Variants in SMOC2 observed in about 807,000 individuals in gnomAD.
The protein encoded by SMOC2 is SPARC related modular calcium binding 2, also known as SPARC-related modular calcium-binding protein 2.
In SMOC2, 39 loss-of-function variants were observed where a neutral mutation model predicts 61.4. That is an observed-to-expected ratio of 0.64 (90% CI 0.49 to 0.83). SMOC2 has a LOEUF of 0.83. SMOC2 is among the 40% of genes least tolerant of loss of function. The pLI, the probability that SMOC2 is intolerant of heterozygous loss-of-function variation, is 0.00. For missense variants in SMOC2, 556 were observed against 592.9 expected (o/e 0.94, Z 0.65); for synonymous variants, 247 against 239.9 (o/e 1.03, Z -0.27).
chr6:168,558,991 TTACTG>T (rs1392930528), intron 7 of SMOC2, among the ~76,000 whole-genome samples: 5 of 152,232 alleles, frequency 3.3e-5, no homozygotes, highest in Non-Finnish European at 5.9e-5. Flanking sequence ...ACATGCATGT[TTACTG>T]TAATAGTAAC....
intron 1 of SMOC2, among the ~76,000 whole-genome samples, chr6:168,462,605 G>C (rs748669162): frequency 1.2e-4 from 19 of 152,184 alleles, no homozygotes; most frequent in Non-Finnish European, 2.6e-4. Flanking sequence ...GTGCTCTCCA[G>C]TGGTGGCTTA....
intron 2 of SMOC2, among the ~76,000 whole-genome samples, chr6:168,517,190 G>A (rs2144745): frequency 0.19 from 28,550 of 152,022 alleles, 2,865 homozygotes; most frequent in Admixed American, 0.24. Context: ...TCAGCTGTGA[G>A]GCCTCGCTCT....
chr6:168,631,195 T>C (rs1010735098), intron 9 of SMOC2, among the ~76,000 whole-genome samples: 1 of 152,188 alleles, frequency 6.6e-6, no homozygotes, highest in Admixed American at 6.5e-5. Flanking sequence ...TGCCCAGCTT[T>C]AAAATTTCTC....
chr6:168,444,609 C>T (rs930545371), intron 1 of SMOC2, among the ~76,000 whole-genome samples: 1 of 152,150 alleles, frequency 6.6e-6, no homozygotes, highest in Non-Finnish European at 1.5e-5. Flanking sequence ...CCAATGCGCT[C>T]TTAATTTGGA....
intron 1 of SMOC2, among the ~76,000 whole-genome samples, chr6:168,480,535 A>G (rs567861295): frequency 6.6e-6 from 1 of 152,300 alleles, no homozygotes; most frequent in East Asian, 1.9e-4. Flanking sequence ...AAGGATCAGC[A>G]AACTTAAAGA....
chr6:168,459,408 G>T (rs1781664724), intron 1 of SMOC2, among the ~76,000 whole-genome samples: 3 of 152,164 alleles, frequency 2.0e-5, no homozygotes, highest in Non-Finnish European at 4.4e-5. Flanking sequence ...CATCGGGAAG[G>T]GTATTCTCCG....
At chr6:168,610,942 C>A (rs374622601) in intron 9 of SMOC2, among the ~76,000 whole-genome samples, 1 of 151,764 alleles carries the variant, frequency 6.6e-6, no homozygotes, top group South Asian at 2.1e-4. Context: ...TTAAACCACA[C>A]CTTCCTAAAC....
intron 9 of SMOC2, among the ~76,000 whole-genome samples, chr6:168,638,060 C>A (rs888393780): frequency 6.7e-6 from 1 of 149,974 alleles, no homozygotes; most frequent in Admixed American, 6.6e-5. Context: ...CCCTGCCCTG[C>A]CCCTGCCCCA....
chr6:168,485,231 G>C (rs1456554298), intron 1 of SMOC2, among the ~76,000 whole-genome samples: 1 of 152,108 alleles, frequency 6.6e-6, no homozygotes, highest in African/African-American at 2.4e-5. Flanking sequence ...ATATAGTTTG[G>C]AGAGAAATGT....
At chr6:168,449,646 C>T (rs1001446086) in intron 1 of SMOC2, among the ~76,000 whole-genome samples, 2 of 152,052 alleles carry the variant, frequency 1.3e-5, no homozygotes, top group South Asian at 2.1e-4. Flanking sequence ...TTTCATTTTG[C>T]GGTGGCTGGC....
At chr6:168,476,465 C>G (rs1782087438) in intron 1 of SMOC2, among the ~76,000 whole-genome samples, 1 of 139,134 alleles carries the variant, frequency 7.2e-6, no homozygotes, top group Admixed American at 7.1e-5. Flanking sequence ...AATCTTTTAT[C>G]CTGTGTGTGT....
intron 1 of SMOC2, among the ~76,000 whole-genome samples, chr6:168,472,980 CT>C (rs1781996898): frequency 6.6e-6 from 1 of 151,842 alleles, no homozygotes; most frequent in South Asian, 2.1e-4. Context: ...CCGGGGAAGG[CT>C]CCGATTCATA....
chr6:168,591,732 G>A (rs1230466550), intron 7 of SMOC2, among the ~76,000 whole-genome samples: 3 of 150,554 alleles, frequency 2.0e-5, no homozygotes, highest in Non-Finnish European at 4.4e-5. Flanking sequence ...GCTTCTATTT[G>A]CGTCTTTTTC....
At chr6:168,494,786 C>T (rs1478078039) in intron 1 of SMOC2, among the ~76,000 whole-genome samples, 1 of 152,192 alleles carries the variant, frequency 6.6e-6, no homozygotes, top group Admixed American at 6.5e-5. Context: ...AGCTGAAGGG[C>T]AAGGGAGGTG....
intron 9 of SMOC2, among the ~76,000 whole-genome samples, chr6:168,635,522 T>G (rs1786692628): frequency 6.6e-6 from 1 of 152,228 alleles, no homozygotes; most frequent in Non-Finnish European, 1.5e-5. Context: ...AGGAAAGTAT[T>G]TTTTAGGTTC....
chr6:168,518,198 G>A (rs544817020), intron 2 of SMOC2, among the ~76,000 whole-genome samples: 19 of 152,314 alleles, frequency 1.2e-4, no homozygotes, highest in Admixed American at 9.8e-4. Flanking sequence ...CCGGAGTGTC[G>A]CCTGGCTCCT....
In SMOC2 at chr6:168,546,979, G is replaced by A. The variant is rs190403776; in HGVS notation, c.512-140G>A. The stretch of plus-strand genomic sequence containing the variant: ...CAGCCGCAGCTGCAGGCAGCATCGC[G>A]TTGGGTCTGTGTGGGGTTGCTGTTG... On this transcript the variant is annotated intron_variant, in intron 5 of 12. Transcript: ENST00000356284. 243 of 946,716 alleles carry A rather than the reference G, an allele frequency of 2.6e-4. 1 individual carries two copies. The highest frequency in any genetic ancestry group is 2.4e-4 in the African/African-American group (15 of 62,478). The allele number at this position is 946,716 out of a possible 1,614,324, so 58.6% of individuals were successfully genotyped here. A position where few individuals can be genotyped will look rare whatever the true frequency, so the allele number is the denominator to read the frequency against.
chr6:168,576,812 A>T (rs73789133), intron 7 of SMOC2, among the ~76,000 whole-genome samples: 2,439 of 152,184 alleles, frequency 0.016, 81 homozygotes, highest in African/African-American at 0.056. Flanking sequence ...CTCATCGTCG[A>T]TGTGAACACA....
intron 1 of SMOC2, among the ~76,000 whole-genome samples, chr6:168,495,978 C>G (rs1782580879): frequency 6.6e-6 from 1 of 152,252 alleles, no homozygotes; most frequent in African/African-American, 2.4e-5. Flanking sequence ...CTCTCGCCTC[C>G]TCGCTCTTTT....
Sources: gnomAD v4.1 joint callset for allele counts (sites outside exome capture counted in the v4.1 genomes callset) on GRCh38, gnomAD v4.1.1 for gene constraint, MANE v1.5 for transcripts, NCBI Gene and HGNC (gene_info 2026-07-23, HGNC 2026-07-21) for gene names.